ADAMTS7: variants seen among roughly 807,000 people sequenced by gnomAD.
The protein encoded by ADAMTS7 is ADAM metallopeptidase with thrombospondin type 1 motif 7.
A neutral mutation model predicts 172.6 loss-of-function variants in ADAMTS7; 89 were observed. The observed-to-expected ratio is 0.52, with a 90% CI of 0.43 to 0.61. ADAMTS7 has a LOEUF of 0.61. Ranked by LOEUF, ADAMTS7 falls within the 20% of genes least tolerant of loss-of-function variation. The pLI is 0.00. For synonymous variants in ADAMTS7, 885 were observed against 978.4 expected, an observed-to-expected ratio of 0.90 and a Z score of 1.78; for missense variants, 1,973 against 2,355.6, an observed-to-expected ratio of 0.84 and a Z score of 3.36.
Position 78,804,740 on chromosome 15 carries a change from C to T in ADAMTS7, c.101-4193G>A, listed in dbSNP as rs184497285. 4.3e-3 allele frequency among the ~76,000 whole-genome samples: 658 copies of T among 152,270 alleles called. 3 individuals are homozygous for T. The highest frequency in any genetic ancestry group is 0.015 in the African/African-American group (606 of 41,566). On this transcript the variant is annotated intron_variant, in intron 1 of 23. Transcript: ENST00000388820. ...CAAGAGACTGGGTAGGCTGGGGCAACGTGCTGTGTGGCTCTGAGCTAATCT... is the reference window on the plus strand; with the variant it reads ...CAAGAGACTGGGTAGGCTGGGGCAATGTGCTGTGTGGCTCTGAGCTAATCT...
At chr15:78,773,367 T>C (rs1407214067) in intron 13 of ADAMTS7, among the ~76,000 whole-genome samples, 164 bp from the exon 14 acceptor site, 1 of 149,898 alleles carries the variant, frequency 6.7e-6, no homozygotes, top group Admixed American at 6.6e-5. Flanking sequence ...CAGGTGAACC[T>C]CTCTACTTCC....
chr15:78,770,783 A>C, intron 16 of ADAMTS7: 1 of 197,442 alleles, frequency 5.1e-6, no homozygotes, highest in Non-Finnish European at 1.1e-5. Context: ...GAGAGAGGGA[A>C]ATTTGGGGAG....
chr15:78,803,844 G>C (rs566897042), intron 1 of ADAMTS7, among the ~76,000 whole-genome samples: 7 of 152,342 alleles, frequency 4.6e-5, no homozygotes, highest in Middle Eastern at 6.8e-3. Flanking sequence ...TTGGTTTGCT[G>C]TATTGGTAAC....
At chr15:78,806,950 A>T (rs2141530306) in intron 1 of ADAMTS7, among the ~76,000 whole-genome samples, 1 of 152,252 alleles carries the variant, frequency 6.6e-6, no homozygotes, top group East Asian at 1.9e-4. Flanking sequence ...TATTTTTAGT[A>T]GAGGTAGAGT....
At chr15:78,774,110 T>C in intron 13 of ADAMTS7, 57 bp downstream of exon 13, 1 of 1,578,728 alleles carries the variant, frequency 6.3e-7, no homozygotes, top group Admixed American at 1.7e-5. Flanking sequence ...ACCTGGGGCC[T>C]GCCAGTGGGG....
chr15:78,761,113 G>T (rs2055036515), intron 23 of ADAMTS7, among the ~76,000 whole-genome samples: 1 of 152,248 alleles, frequency 6.6e-6, no homozygotes, highest in Admixed American at 6.5e-5. Flanking sequence ...GCAGGACAGG[G>T]TGGGGGCGCT....
intron 1 of ADAMTS7, among the ~76,000 whole-genome samples, chr15:78,808,528 A>G (rs1337968539): frequency 6.6e-6 from 1 of 152,096 alleles, no homozygotes; most frequent in Admixed American, 6.5e-5. Flanking sequence ...GAGCCACTGC[A>G]GCCCGCCAGC....
intron 4 of ADAMTS7, among the ~76,000 whole-genome samples, chr15:78,794,998 T>C (rs1462618464): frequency 6.6e-6 from 1 of 152,254 alleles, no homozygotes; most frequent in Non-Finnish European, 1.5e-5. Flanking sequence ...ATTATAACCA[T>C]GAACCACAAT....
In ADAMTS7 at chr15:78,767,023, T is replaced by C; in HGVS notation, c.2888A>G (p.Gln963Arg). The change falls in exon 19 of 24, where the codon CAG becomes CGG. Residue 963 changes from glutamine to arginine, a missense_variant. Gln to Arg is a conservative substitution (Grantham distance 43). Coordinates refer to ENST00000388820, the MANE Select transcript of ADAMTS7 (RefSeq NM_014272.5). ...QCSVTCGEGT[Q>R]RRNVLCTNDT... ...ATTGGTGCAGAGGACATTTCGGCGCTGAGTGCCCTCCCCACATGTCACTGA... is the reference window on the plus strand; with the variant it reads ...ATTGGTGCAGAGGACATTTCGGCGCCGAGTGCCCTCCCCACATGTCACTGA... 1.3e-6 allele frequency: 2 copies of C among 1,569,148 alleles called. No individual in the cohort carries two copies. Among genetic ancestry groups the C allele is most frequent in the Non-Finnish European group, 1.7e-6 (2 of 1,159,258 alleles).
chr15:78,776,654 G>A, intron 10 of ADAMTS7, 95 bp downstream of exon 10: 13 of 1,279,718 alleles, frequency 1.0e-5, no homozygotes, highest in Non-Finnish European at 1.4e-5. Flanking sequence ...AGGAGCACAA[G>A]CAAGACTGTG....
Position 78,762,396 on chromosome 15 carries a change from G to A in ADAMTS7, c.4903+7C>T. 2 of 1,445,456 alleles carry A rather than the reference G, an allele frequency of 1.4e-6. No individual in the cohort carries two copies. Among genetic ancestry groups the A allele is most frequent in the Non-Finnish European group, 1.8e-6 (2 of 1,093,174 alleles). 89.5% of individuals were successfully genotyped at this position (1,445,456 alleles called of 1,614,324 possible). On this transcript the variant is annotated splice_region_variant and intron_variant, in intron 23 of 23. Coordinates refer to ENST00000388820, the MANE Select transcript of ADAMTS7 (RefSeq NM_014272.5). ...TTCAGCAGGGAGCCTGGGGTCAGGG[G>A]ACTCACGGGGAGGCTCGACGGGCTC...
At position 78,790,765 on chromosome 15, in the gene ADAMTS7, G is replaced by C. The variant is rs1487308460; in HGVS notation, c.933C>G (p.Asp311Glu). The change falls in exon 6 of 24, where the codon GAC becomes GAG. Residue 311 changes from aspartate (D) to glutamate (E), a missense_variant. By Grantham distance (45) the Asp-to-Glu change is conservative. Transcript: ENST00000388820. ...ACTTGCAGAAGCTCTTCAGGGTGTT[G>C]TCTGCATGGTGCGTGATCTTTAGGT... The part of the protein sequence containing the change: ...EEDLKITHHA[D>E]NTLKSFCKWQ... The C allele has an allele frequency of 6.2e-7, 1 of 1,613,842 alleles. No homozygotes were observed. Among genetic ancestry groups the C allele is most frequent in the Non-Finnish European group, 8.5e-7 (1 of 1,179,982 alleles).
At chr15:78,780,304 A>C (rs2622828) in intron 8 of ADAMTS7, among the ~76,000 whole-genome samples, 2 of 147,786 alleles carry the variant, frequency 1.4e-5, no homozygotes, top group Non-Finnish European at 3.0e-5. Context: ...AGGTGACTCC[A>C]GTCAGAAGCC....
At chr15:78,777,661 G>C in intron 8 of ADAMTS7, 73 bp from the exon 9 acceptor site, 3 of 1,540,808 alleles carry the variant, frequency 1.9e-6, no homozygotes. Context: ...GTGGGGCCGG[G>C]ACAGGAGGAG....
At chr15:78,760,329 GCCA>G (rs1323139445) in intron 23 of ADAMTS7, among the ~76,000 whole-genome samples, 1 of 152,182 alleles carries the variant, frequency 6.6e-6, no homozygotes, top group East Asian at 1.9e-4. Flanking sequence ...TGCTCCTGAT[GCCA>G]CTGCCACTGC....
chr15:78,780,730 C>T (rs916003411), intron 8 of ADAMTS7, among the ~76,000 whole-genome samples: 28 of 152,340 alleles, frequency 1.8e-4, no homozygotes, highest in Middle Eastern at 3.4e-3. Context: ...CTCGCATGGC[C>T]CCGGCCTCTG....
intron 11 of ADAMTS7, among the ~76,000 whole-genome samples, chr15:78,775,402 C>G (rs1434359743): frequency 5.9e-4 from 90 of 151,516 alleles, no homozygotes; most frequent in African/African-American, 1.1e-3. Context: ...GCACAGGCCA[C>G]TCTTGGGTAA....
chr15:78,774,633 C>T lies in ADAMTS7; in HGVS notation c.1867G>A (p.Val623Ile), dbSNP rs2055309549. 1 of 1,611,776 alleles carries T rather than the reference C, an allele frequency of 6.2e-7. No individual in the cohort carries two copies. Among genetic ancestry groups the T allele is most frequent in the Non-Finnish European group, 8.5e-7 (1 of 1,179,820 alleles). The change falls in exon 12 of 24, where the codon GTC (valine) becomes ATC (isoleucine). Residue 623 changes from valine (V) to isoleucine (I), a missense_variant. Val to Ile is a conservative substitution (Grantham distance 29). Around this residue, in one of 8 missense-constraint regions of ADAMTS7, gnomAD observed 526 missense variants for 662.9 expected, o/e 0.79. Coordinates refer to ENST00000388820, the MANE Select transcript of ADAMTS7 (RefSeq NM_014272.5). ...GGGGGGCAGCACTCACCGTCATTGACCACGGGCACCCATGTGTGCAGCTGG... is the reference window on the plus strand; with the variant it reads ...GGGGGGCAGCACTCACCGTCATTGATCACGGGCACCCATGTGTGCAGCTGG... Reference protein sequence around the residue: ...KGQLHTWVPVVNDVNPCELHC... With the variant: ...KGQLHTWVPVINDVNPCELHC...
At position 78,759,455 on chromosome 15, in the gene ADAMTS7, G is replaced by C. The variant is rs780426027; in HGVS notation, c.5027C>G (p.Pro1676Arg). The change falls in exon 24 of 24, where the codon CCC (proline) becomes CGC (arginine). Residue 1676 changes from proline to arginine, a missense_variant. By Grantham distance (103) the Pro-to-Arg change is moderately radical. Coordinates refer to ENST00000388820, the MANE Select transcript of ADAMTS7 (RefSeq NM_014272.5). The stretch of plus-strand genomic sequence containing the variant: ...GGCAACCCGCTGATGGCCTCGGGAG[G>C]GGGCGCCGTGGCTGGGCGGAGAGCA... ...RSCSPPSHGA[P>R]SRGHQRVARR 3.1e-6 allele frequency: 5 copies of C among 1,596,244 alleles called. No individual in the cohort carries two copies. The highest frequency in any genetic ancestry group is 1.1e-5 in the South Asian group (1 of 90,284).
Sources: allele counts gnomAD v4.1 joint callset (sites outside exome capture counted in the v4.1 genomes callset), GRCh38; gene constraint gnomAD v4.1.1; regional missense constraint gnomAD v4.1.1; transcripts MANE v1.5; gene names NCBI Gene and HGNC (gene_info 2026-07-23, HGNC 2026-07-21).